Variants in PHACTR2 observed in about 807,000 individuals in gnomAD.
PHACTR2 encodes chromosome 6 open reading frame 56.
PHACTR2 carries 30 observed loss-of-function variants against 76.0 expected under a neutral mutation model. The observed-to-expected ratio is 0.39, with a 90% CI of 0.30 to 0.54. PHACTR2 has a LOEUF of 0.54. Ranked by LOEUF, PHACTR2 falls within the 20% of genes least tolerant of loss-of-function variation. The pLI is 0.61. For missense variants in PHACTR2, 696 were observed against 781.1 expected, an observed-to-expected ratio of 0.89 and a Z score of 1.30; for synonymous variants, 292 against 292.5, an observed-to-expected ratio of 1.00 and a Z score of 0.02.
chr6:143,791,522 A>G lies in PHACTR2; in HGVS notation c.1845+2612A>G, dbSNP rs1415634464. 6.6e-6 allele frequency among the ~76,000 whole-genome samples: 1 copy of G among 152,220 alleles called. No homozygotes were observed. Among genetic ancestry groups the G allele is most frequent in the Non-Finnish European group, 1.5e-5 (1 of 68,036 alleles). On this transcript the variant is annotated intron_variant, in intron 11 of 12. Transcript: ENST00000440869. The surrounding 1 kb of genome is among the most constrained non-coding windows in gnomAD (Gnocchi z 4.7). The stretch of plus-strand genomic sequence containing the variant: ...ATTGGGATTTTTAGTAATTATAAAT[A>G]TCTCACATGTCCTTGAAAACAATAT...
rs534903185 is a variant in PHACTR2, at chr6:143,549,512, C to A, written c.217+12305C>A. Among the ~76,000 whole-genome samples, 335 of 152,108 alleles carry A rather than the reference C, an allele frequency of 2.2e-3. 2 individuals carry two copies. Among genetic ancestry groups the A allele is most frequent in the Non-Finnish European group, 3.9e-3 (265 of 67,942 alleles). On this transcript the variant is annotated intron_variant, in intron 1 of 11. Transcript: ENST00000367584. The surrounding 1 kb of genome is among the most constrained non-coding windows in gnomAD (Gnocchi z 4.2). ...TGACACATTCTCAGAAGGCCGGCCA[C>A]AGGCAATGGCAAGATGAGAATGTTT...
At chr6:143,769,129 A>C (rs1775032813) in intron 6 of PHACTR2, among the ~76,000 whole-genome samples, 2 of 152,342 alleles carry the variant, frequency 1.3e-5, no homozygotes, top group South Asian at 4.1e-4. Context: ...TCAAGAAGAC[A>C]AGTGGCTATG....
intron 9 of PHACTR2, among the ~76,000 whole-genome samples, chr6:143,779,701 A>T (rs1402659439): frequency 6.6e-6 from 1 of 152,028 alleles, no homozygotes; most frequent in Non-Finnish European, 1.5e-5. Flanking sequence ...AGAATAAAAC[A>T]TTCAACAATT....
chr6:143,699,881 T>C (rs138081502), intron 1 of PHACTR2, among the ~76,000 whole-genome samples: 159 of 152,316 alleles, frequency 1.0e-3, no homozygotes, highest in African/African-American at 3.6e-3. Flanking sequence ...TCTGGGAGCC[T>C]TGGGGACTCC....
Position 143,794,032 on chromosome 6 carries a change from G to A in PHACTR2, c.1845+5122G>A, listed in dbSNP as rs1298395985. 1.3e-5 allele frequency among the ~76,000 whole-genome samples: 2 copies of A among 151,282 alleles called. No individual in the cohort carries two copies. The highest frequency in any genetic ancestry group is 6.6e-5 in the Admixed American group (1 of 15,108). ...ATACACAAGTGATGAATATTCATTG[G>A]GCCATATCTGAATATTCAAAAATGC... On this transcript the variant is annotated intron_variant, in intron 11 of 12. Coordinates refer to ENST00000440869, the MANE Select transcript of PHACTR2 (RefSeq NM_001100164.2). This position sits in a 1 kb window ranked among gnomAD's most constrained non-coding sequence, Gnocchi z 4.1.
rs765481003 is a variant in PHACTR2 at position 143,784,518 on chromosome 6, T to C, written c.1707+1238T>C. Reference sequence around the variant, plus strand: ...ACATTTTTGTGGGCTGGCCAGGGAGTCTTCAACAAAAGCATTCCAAGGCAG... The same window carrying C: ...ACATTTTTGTGGGCTGGCCAGGGAGCCTTCAACAAAAGCATTCCAAGGCAG... On this transcript the variant is annotated intron_variant, in intron 10 of 12. Coordinates refer to ENST00000440869, the MANE Select transcript of PHACTR2 (RefSeq NM_001100164.2). This position sits in a 1 kb window ranked among gnomAD's most constrained non-coding sequence, Gnocchi z 4.5. 6.6e-6 allele frequency among the ~76,000 whole-genome samples: 1 copy of C among 151,844 alleles called. No homozygotes were observed. Among genetic ancestry groups the C allele is most frequent in the South Asian group, 2.1e-4 (1 of 4,808 alleles).
rs1247813025 is a variant in PHACTR2 at position 143,771,146 on chromosome 6, A to G, written c.1233-1112A>G. Reference sequence around the variant, plus strand: ...ATGTACTTTACATATATATATATGTATATATATATATGTATATATATATAT... The same window carrying G: ...ATGTACTTTACATATATATATATGTGTATATATATATGTATATATATATAT... On this transcript the variant is annotated intron_variant, in intron 6 of 12. Transcript: ENST00000440869. Among the ~76,000 whole-genome samples, 65 of 37,838 alleles carry G rather than the reference A, an allele frequency of 1.7e-3. 3 individuals are homozygous for G. The highest frequency in any genetic ancestry group is 5.4e-3 in the African/African-American group (45 of 8,356). 24.8% of individuals were successfully genotyped at this position (37,838 alleles called of 152,430 possible).
At chr6:143,734,900 T>C (rs1342180155) in intron 2 of PHACTR2, among the ~76,000 whole-genome samples, 1 of 152,238 alleles carries the variant, frequency 6.6e-6, no homozygotes, top group Non-Finnish European at 1.5e-5. Context: ...AGAGAATTCA[T>C]GTCAGGAAAG....
Position 143,599,547 on chromosome 6 carries a change from C to A in PHACTR2, c.217+62340C>A, listed in dbSNP as rs1020157277. The stretch of plus-strand genomic sequence containing the variant: ...TCAATACATGTTTGATAAGAAGTAA[C>A]CCAACTTAACAAATGTCGTATTACT... On this transcript the variant is annotated intron_variant, in intron 1 of 11. Transcript: ENST00000367584. The surrounding 1 kb of genome is among the most constrained non-coding windows in gnomAD (Gnocchi z 4.6). 6.6e-6 allele frequency among the ~76,000 whole-genome samples: 1 copy of A among 152,068 alleles called. No homozygotes were observed. Among genetic ancestry groups the A allele is most frequent in the Admixed American group, 6.6e-5 (1 of 15,262 alleles).
In PHACTR2 at chr6:143,730,652, A is replaced by G. The variant is rs1778678612; in HGVS notation, c.215-18333A>G. On this transcript the variant is annotated intron_variant, in intron 2 of 12. Coordinates refer to ENST00000440869, the MANE Select transcript of PHACTR2 (RefSeq NM_001100164.2). This position sits in a 1 kb window ranked among gnomAD's most constrained non-coding sequence, Gnocchi z 4.8. ...TTTCACCAGCTAGGACTTGTACTACAATAGTAAACAGCAGTGTTGAAGGAG... is the reference window on the plus strand; with the variant it reads ...TTTCACCAGCTAGGACTTGTACTACGATAGTAAACAGCAGTGTTGAAGGAG... 6.6e-6 allele frequency among the ~76,000 whole-genome samples: 1 copy of G among 152,166 alleles called. No individual in the cohort carries two copies.
At chr6:143,732,811 CT>C (rs996457683) in intron 2 of PHACTR2, among the ~76,000 whole-genome samples, 4 of 152,176 alleles carry the variant, frequency 2.6e-5, no homozygotes, top group African/African-American at 9.7e-5. Context: ...TACTACCTGT[CT>C]TTTTTTATTA....
At position 143,664,152 on chromosome 6, in the gene PHACTR2, A is replaced by T. The variant is rs1776992667; in HGVS notation, c.14-47864A>T. On this transcript the variant is annotated intron_variant, in intron 1 of 11. Coordinates refer to the PHACTR2 transcript ENST00000305766. This position sits in a 1 kb window ranked among gnomAD's most constrained non-coding sequence, Gnocchi z 5.1. ...AATTTTTGTCATTACACTATATAAT[A>T]TGTCCCTCTATACTATTTGTTATTT... is the stretch of plus-strand genomic sequence containing the variant. 6.6e-6 allele frequency among the ~76,000 whole-genome samples: 1 copy of T among 152,100 alleles called. No individual in the cohort carries two copies. The highest frequency in any genetic ancestry group is 1.5e-5 in the Non-Finnish European group (1 of 67,982).
Position 143,596,156 on chromosome 6 carries a change from G to A in PHACTR2, c.217+58949G>A, listed in dbSNP as rs1171615533. On this transcript the variant is annotated intron_variant, in intron 1 of 11. Coordinates refer to the PHACTR2 transcript ENST00000367584. This position sits in a 1 kb window ranked among gnomAD's most constrained non-coding sequence, Gnocchi z 4.6. ...AGATATTTTATAGCACTATCCACATGTTAATTGAATCTTGATCCTCAGGCC... is the reference window on the plus strand; with the variant it reads ...AGATATTTTATAGCACTATCCACATATTAATTGAATCTTGATCCTCAGGCC... Among the ~76,000 whole-genome samples, 4 of 152,168 alleles carry A rather than the reference G, an allele frequency of 2.6e-5. No homozygotes were observed. The highest frequency in any genetic ancestry group is 5.9e-5 in the Non-Finnish European group (4 of 68,028).
intron 1 of PHACTR2, among the ~76,000 whole-genome samples, chr6:143,544,375 G>T (rs1184733794): frequency 3.3e-5 from 5 of 151,974 alleles, no homozygotes; most frequent in African/African-American, 1.2e-4. Context: ...CTTACGATAG[G>T]TGAGAAAAGG....
chr6:143,758,191 C>T (rs574020103), intron 4 of PHACTR2, among the ~76,000 whole-genome samples: 4 of 152,232 alleles, frequency 2.6e-5, no homozygotes, highest in South Asian at 4.1e-4. Flanking sequence ...GGATTCTTTC[C>T]GGTATACCTT....
Position 143,689,520 on chromosome 6 carries a change from C to T in PHACTR2, c.46+11311C>T, listed in dbSNP as rs903947024. On this transcript the variant is annotated intron_variant, in intron 1 of 12. Coordinates refer to ENST00000440869, the MANE Select transcript of PHACTR2 (RefSeq NM_001100164.2). The surrounding 1 kb of genome is among the most constrained non-coding windows in gnomAD (Gnocchi z 4.4). Reference sequence around the variant, plus strand: ...AATTCTCCAGTCTCTAAATAGCATGCTCTTTGCTACCTATTGATTGATTTT... The same window carrying T: ...AATTCTCCAGTCTCTAAATAGCATGTTCTTTGCTACCTATTGATTGATTTT... 6.6e-6 allele frequency among the ~76,000 whole-genome samples: 1 copy of T among 152,092 alleles called. No homozygotes were observed. Among genetic ancestry groups the T allele is most frequent in the East Asian group, 1.9e-4 (1 of 5,186 alleles).
rs575563081 is a variant in PHACTR2 at position 143,806,134 on chromosome 6, T to G, written c.1846-923T>G. Among the ~76,000 whole-genome samples, 8 of 152,294 alleles carry G rather than the reference T, an allele frequency of 5.3e-5. No homozygotes were observed. In the South Asian group the frequency reaches 8.3e-4, roughly 16 times the overall value. Reference sequence around the variant, plus strand: ...TTAGGAAATAAAAATAAGCAAAAATTTGAAACCACGAACCATCTGTAATCC... The same window carrying G: ...TTAGGAAATAAAAATAAGCAAAAATGTGAAACCACGAACCATCTGTAATCC... On this transcript the variant is annotated intron_variant, in intron 11 of 12. Transcript: ENST00000440869. This position sits in a 1 kb window ranked among gnomAD's most constrained non-coding sequence, Gnocchi z 5.8.
intron 11 of PHACTR2, among the ~76,000 whole-genome samples, chr6:143,798,137 C>T (rs375351616): frequency 2.2e-4 from 33 of 152,152 alleles, no homozygotes; most frequent in African/African-American, 2.6e-4. Flanking sequence ...TGTGTCCCTA[C>T]GTATTTTATT....
intron 11 of PHACTR2, among the ~76,000 whole-genome samples, chr6:143,797,006 A>C (rs1315962691): frequency 1.3e-5 from 2 of 152,196 alleles, no homozygotes; most frequent in East Asian, 3.8e-4. Flanking sequence ...AAATGGTTGA[A>C]CTAATTTACA....
Sources: gnomAD v4.1 joint callset for allele counts (sites outside exome capture counted in the v4.1 genomes callset) on GRCh38, gnomAD v4.1.1 for gene constraint, Gnocchi (gnomAD v3.1) non-coding constraint, MANE v1.5 for transcripts, NCBI Gene and HGNC (gene_info 2026-07-23, HGNC 2026-07-21) for gene names.